Variants in CLMP observed in about 807,000 individuals in gnomAD.
CLMP encodes CXADR like cell adhesion molecule, also known as CXADR-like membrane protein.
A neutral mutation model predicts 45.2 loss-of-function variants in CLMP; 27 were observed. The observed-to-expected ratio is 0.60, with a 90% CI of 0.44 to 0.82. CLMP has a LOEUF of 0.82. Ranked by LOEUF, CLMP falls within the 40% of genes least tolerant of loss-of-function variation. The pLI is 0.00. For synonymous variants in CLMP, 167 were observed against 171.4 expected (o/e 0.97, Z 0.20); for missense variants, 403 against 448.4 (o/e 0.90, Z 0.91).
intron 1 of CLMP, among the ~76,000 whole-genome samples, chr11:123,161,459 G>A (rs551794997): frequency 6.6e-6 from 1 of 152,096 alleles, no homozygotes; most frequent in African/African-American, 2.4e-5. Context: ...TTGAGCCCAG[G>A]AGTTCGATAC....
chr11:123,150,508 G>A (rs1478894039), intron 1 of CLMP, among the ~76,000 whole-genome samples: 37 of 123,240 alleles, frequency 3.0e-4, no homozygotes, highest in African/African-American at 7.2e-4. Context: ...AGGAAGGAAG[G>A]AAGGAAGGAA....
chr11:123,087,589 GA>G (rs1865880354), intron 2 of CLMP, among the ~76,000 whole-genome samples: 1 of 152,006 alleles, frequency 6.6e-6, no homozygotes. Flanking sequence ...TTGGGATGCC[GA>G]GGCGGGTGGA....
chr11:123,141,476 G>A (rs897194981), intron 1 of CLMP, among the ~76,000 whole-genome samples: 2 of 152,124 alleles, frequency 1.3e-5, no homozygotes, highest in South Asian at 2.1e-4. Context: ...GAGCCACCGC[G>A]CCCGGCCAGG....
chr11:123,118,545 A>G (rs1325562876), intron 1 of CLMP, among the ~76,000 whole-genome samples: 1 of 152,220 alleles, frequency 6.6e-6, no homozygotes, highest in Non-Finnish European at 1.5e-5. Context: ...TTTCTGCCAG[A>G]GACAGATCAG....
At chr11:123,187,783 C>T (rs895681169) in intron 1 of CLMP, among the ~76,000 whole-genome samples, 1 of 152,116 alleles carries the variant, frequency 6.6e-6, no homozygotes, top group Admixed American at 6.5e-5. Flanking sequence ...CTTCAATAGG[C>T]AAGGACATTG....
chr11:123,186,098 G>A (rs964464822), intron 1 of CLMP, among the ~76,000 whole-genome samples: 2 of 152,128 alleles, frequency 1.3e-5, no homozygotes, highest in African/African-American at 2.4e-5. Context: ...AACTCTGCTC[G>A]CGTCTGCTGT....
intron 1 of CLMP, among the ~76,000 whole-genome samples, chr11:123,184,236 A>G (rs1277532031): frequency 6.6e-6 from 1 of 152,080 alleles, no homozygotes; most frequent in Non-Finnish European, 1.5e-5. Flanking sequence ...CTGGGACTAC[A>G]GGCACGTGCC....
intron 1 of CLMP, among the ~76,000 whole-genome samples, chr11:123,106,422 TGTGCGC>T (rs763344454): frequency 0.021 from 1,814 of 86,178 alleles, 4 homozygotes; most frequent in Middle Eastern, 0.03. Context: ...TGTGTGTGTG[TGTGCGC>T]GCGCGCGCGC....
chr11:123,097,431 G>C (rs904836918), intron 2 of CLMP, among the ~76,000 whole-genome samples: 1 of 152,016 alleles, frequency 6.6e-6, no homozygotes, highest in Non-Finnish European at 1.5e-5. Flanking sequence ...TCCACCTCTG[G>C]GGTTTAAGCA....
intron 1 of CLMP, chr11:123,136,034 G>T: frequency 1.7e-6 from 1 of 586,288 alleles, no homozygotes; most frequent in South Asian, 1.4e-5. Flanking sequence ...GTGCTGCTTT[G>T]TTCGCTCGTT....
At chr11:123,108,828 C>A (rs1261980737) in intron 1 of CLMP, among the ~76,000 whole-genome samples, 1 of 151,688 alleles carries the variant, frequency 6.6e-6, no homozygotes, top group Non-Finnish European at 1.5e-5. Context: ...CTGAGGCGGG[C>A]GGATCACCTG....
At chr11:123,152,570 T>A (rs939603464) in intron 1 of CLMP, among the ~76,000 whole-genome samples, 10 of 143,326 alleles carry the variant, frequency 7.0e-5, no homozygotes, top group South Asian at 2.2e-4. Flanking sequence ...AAATAAAAAA[T>A]AAATAAAATG....
chr11:123,093,480 G>A (rs1865956224), intron 2 of CLMP, among the ~76,000 whole-genome samples: 1 of 148,352 alleles, frequency 6.7e-6, no homozygotes, highest in South Asian at 2.1e-4. Context: ...CCAAGTAGCT[G>A]GGATTACAGG....
chr11:123,111,980 G>T (rs1221735101), intron 1 of CLMP, among the ~76,000 whole-genome samples: 1 of 151,996 alleles, frequency 6.6e-6, no homozygotes, highest in Admixed American at 6.6e-5. Flanking sequence ...TTGAACTCTG[G>T]GTCTCAAGTG....
intron 1 of CLMP, among the ~76,000 whole-genome samples, chr11:123,194,137 G>A (rs186316124): frequency 2.5e-4 from 38 of 152,124 alleles, no homozygotes; most frequent in Admixed American, 8.5e-4. Context: ...CAGGGCCTCT[G>A]AGGCCCCAAG....
chr11:123,127,472 A>G (rs11219002), intron 1 of CLMP, among the ~76,000 whole-genome samples: 23,456 of 152,154 alleles, frequency 0.15, 2,431 homozygotes, highest in African/African-American at 0.29. Flanking sequence ...AAGACTTATT[A>G]CGTGGAGGGA....
chr11:123,150,606 G>GA lies in CLMP; in HGVS notation c.28+44306dup, dbSNP rs1443762794. On this transcript the variant is annotated intron_variant, in intron 1 of 6. Transcript: ENST00000448775. ...GAAAGGAAGGAAGGAAGGAAGGAATGAAGGAAGGAAGGAAGGAAAGGAAGG... is the reference window on the plus strand; with the variant it reads ...GAAAGGAAGGAAGGAAGGAAGGAATGAAAGGAAGGAAGGAAGGAAAGGAAGG... 3.1e-3 allele frequency among the ~76,000 whole-genome samples: 352 copies of GA among 114,674 alleles called. 5 individuals are homozygous for GA. The highest frequency in any genetic ancestry group is 0.011 in the African/African-American group (341 of 31,664). The allele number at this position is 114,674 out of a possible 152,430, so 75.2% of individuals were successfully genotyped here.
Position 123,169,978 on chromosome 11 carries a change from C to T in CLMP, c.28+24935G>A, listed in dbSNP as rs147306302. On this transcript the variant is annotated intron_variant, in intron 1 of 6. Coordinates refer to ENST00000448775, the MANE Select transcript of CLMP (RefSeq NM_024769.5). ...TGTAAAGACCAAGGTTCTTATTATG[C>T]AGATAAAGTCTCCAGGTACGGCTTC... Among the ~76,000 whole-genome samples, 407 of 152,264 alleles carry T rather than the reference C, an allele frequency of 2.7e-3. 1 individual carries two copies. Among genetic ancestry groups the T allele is most frequent in the African/African-American group, 9.5e-3 (396 of 41,558 alleles).
chr11:123,086,414 A>G (rs1054410695), intron 2 of CLMP, among the ~76,000 whole-genome samples: 2 of 152,220 alleles, frequency 1.3e-5, no homozygotes, highest in African/African-American at 4.8e-5. Flanking sequence ...GCACTAAAAA[A>G]GGCATGCAAG....
Sources: gnomAD v4.1 joint callset for allele counts (sites outside exome capture counted in the v4.1 genomes callset) on GRCh38, gnomAD v4.1.1 for gene constraint, MANE v1.5 for transcripts, NCBI Gene and HGNC (gene_info 2026-07-23, HGNC 2026-07-21) for gene names.